AANAT: variants seen among roughly 807,000 people sequenced by gnomAD.
AANAT encodes the protein aralkylamine N-acetyltransferase.
AANAT carries 11 observed loss-of-function variants against 15.6 expected under a neutral mutation model. The ratio of observed to expected loss-of-function variants is 0.71; its 90% CI spans 0.44 to 1.17. The LOEUF (loss-of-function observed/expected upper bound fraction) is 1.17, where lower values mean the gene tolerates loss of function less well. AANAT is among the 50% of genes most tolerant of loss of function. The pLI is 0.00. For synonymous variants in AANAT, 139 were observed against 131.5 expected (o/e 1.06, Z -0.39); for missense variants, 286 against 296.3 (o/e 0.97, Z 0.26).
At chr17:76,463,759 T>C (rs1234198442), upstream of AANAT, among the ~76,000 whole-genome samples, 1 of 152,186 alleles carries the variant, frequency 6.6e-6, no homozygotes, top group African/African-American at 2.4e-5. Flanking sequence ...TTCACCTGTG[T>C]TCCTGTTAAT....
intron 1 of AANAT, among the ~76,000 whole-genome samples, chr17:76,458,155 G>A (rs1354828778): frequency 6.6e-6 from 1 of 152,252 alleles, no homozygotes; most frequent in South Asian, 2.1e-4. Flanking sequence ...AGCTGGGACA[G>A]AGCTGCCCTC....
At chr17:76,458,115 A>G (rs1018460932) in intron 1 of AANAT, among the ~76,000 whole-genome samples, 1 of 152,208 alleles carries the variant, frequency 6.6e-6, no homozygotes, top group East Asian at 1.9e-4. Flanking sequence ...TCAGTTTCCT[A>G]TCCTTTTTCC....
chr17:76,466,714 A>T (rs1465060225), upstream of AANAT, among the ~76,000 whole-genome samples: 1 of 152,112 alleles, frequency 6.6e-6, no homozygotes, highest in African/African-American at 2.4e-5. Context: ...CTTCTCTATA[A>T]CGTGGTTAAT....
chr17:76,457,914 A>G (rs897477713), intron 1 of AANAT, among the ~76,000 whole-genome samples: 1 of 152,164 alleles, frequency 6.6e-6, no homozygotes, highest in Admixed American at 6.5e-5. Flanking sequence ...CGGGCGCCTG[A>G]AATCCCAGCT....
chr17:76,455,999 C>T (rs913190003), intron 1 of AANAT, among the ~76,000 whole-genome samples: 4 of 150,288 alleles, frequency 2.7e-5, no homozygotes, highest in South Asian at 2.1e-4. Context: ...GGCGACAGAG[C>T]GAGACTGCGT....
At chr17:76,466,217 A>T (rs1382250512), upstream of AANAT, 5 of 1,535,080 alleles carry the variant, frequency 3.3e-6, no homozygotes, top group Non-Finnish European at 4.4e-6. Context: ...CTTTTGGGGG[A>T]CCCTGGAGGT....
At position 76,468,810 on chromosome 17, in the gene AANAT, G is replaced by A. The variant is rs767691769; in HGVS notation, c.64G>A (p.Glu22Lys). The stretch of plus-strand genomic sequence containing the variant: ...CCCACGTCTGCCACCTGGGATCCCC[G>A]AGTCCCCGAGCTGTCAGCGGCGCCA... ...EAPRLPPGIP[E>K]SPSCQRRHTL... Residue 22 changes from glutamate (E) to lysine (K), a missense_variant, in exon 2 of 4, where the codon GAG becomes AAG. Coordinates refer to ENST00000392492, the MANE Select transcript of AANAT (RefSeq NM_001088.3). 83 of 1,613,302 alleles carry A rather than the reference G, an allele frequency of 5.1e-5. No homozygotes were observed. The highest frequency in any genetic ancestry group is 6.0e-5 in the Non-Finnish European group (71 of 1,179,964).
intron 2 of AANAT, among the ~76,000 whole-genome samples, chr17:76,461,914 A>G (rs1001607925): frequency 7.2e-5 from 11 of 152,186 alleles, no homozygotes; most frequent in African/African-American, 2.7e-4. Flanking sequence ...AGAGCCTGAG[A>G]GCAGGTTGAA....
At chr17:76,455,105 C>T (rs534395867) in intron 1 of AANAT, among the ~76,000 whole-genome samples, 39 of 148,328 alleles carry the variant, frequency 2.6e-4, no homozygotes, top group African/African-American at 7.7e-4. Flanking sequence ...CCAGCCTGGG[C>T]GACAGAGTGA....
chr17:76,460,724 G>C (rs1304797570), intron 2 of AANAT, among the ~76,000 whole-genome samples: 2 of 152,152 alleles, frequency 1.3e-5, no homozygotes, highest in Non-Finnish European at 2.9e-5. Context: ...CTTTGTCCAG[G>C]AGGTGGCAAT....
At chr17:76,464,497 G>C (rs934174372), upstream of AANAT, among the ~76,000 whole-genome samples, 1 of 152,178 alleles carries the variant, frequency 6.6e-6, no homozygotes, top group Non-Finnish European at 1.5e-5. Context: ...AAGAGGCCAG[G>C]CTGGGTGGAG....
chr17:76,469,223 C>T lies in AANAT; in HGVS notation c.214C>T (p.His72Tyr). ...VCPLYLDEIR[H>Y]FLTLCPELSL... is the part of the protein sequence containing the mutation. ...CCCCCTGTACCTGGATGAGATCCGG[C>T]ACTTCCTGACCCTATGTCCAGAGCT... is the stretch of plus-strand genomic sequence containing the variant. Residue 72 changes from histidine to tyrosine, a missense_variant, in exon 3 of 4, where the codon CAC becomes TAC. Physicochemically the swap from His to Tyr is moderately conservative, Grantham distance 83. Coordinates refer to ENST00000392492, the MANE Select transcript of AANAT (RefSeq NM_001088.3). The surrounding 1 kb of genome is among the most constrained non-coding windows in gnomAD (Gnocchi z 5.2). The T allele has an allele frequency of 6.2e-7, 1 of 1,614,200 alleles. No homozygotes were observed. Among genetic ancestry groups the T allele is most frequent in the South Asian group, 1.1e-5 (1 of 91,092 alleles).
upstream of AANAT, among the ~76,000 whole-genome samples, chr17:76,462,856 G>A (rs9903183): frequency 0.21 from 32,653 of 152,136 alleles, 3,707 homozygotes; most frequent in East Asian, 0.41. Flanking sequence ...CTTCCTGCAC[G>A]CCGGGCCTCT....
intron 2 of AANAT, among the ~76,000 whole-genome samples, chr17:76,459,571 G>C (rs906277011): frequency 6.6e-6 from 1 of 152,128 alleles, no homozygotes; most frequent in Non-Finnish European, 1.5e-5. Flanking sequence ...TGCCCCACCA[G>C]GGGGGCAGAT....
At chr17:76,465,606 G>C (rs1351514014), upstream of AANAT, among the ~76,000 whole-genome samples, 4 of 151,980 alleles carry the variant, frequency 2.6e-5, no homozygotes, top group African/African-American at 9.7e-5. Flanking sequence ...CAAAGTGCTG[G>C]GATTACAGGT....
intron 1 of AANAT, among the ~76,000 whole-genome samples, chr17:76,457,091 G>A (rs576096549): frequency 1.3e-5 from 2 of 152,262 alleles, no homozygotes; most frequent in East Asian, 3.9e-4. Flanking sequence ...CGCCCATGCT[G>A]GAGTGCAGTA....
upstream of AANAT, among the ~76,000 whole-genome samples, chr17:76,463,074 G>A (rs1161672344): frequency 2.6e-5 from 4 of 152,280 alleles, no homozygotes; most frequent in Non-Finnish European, 2.9e-5. Flanking sequence ...CACTGGGCCC[G>A]GTGGGGATGC....
At chr17:76,464,858 C>T (rs536504160), upstream of AANAT, among the ~76,000 whole-genome samples, 110 of 151,844 alleles carry the variant, frequency 7.2e-4, no homozygotes, top group Middle Eastern at 3.4e-3. Context: ...TACAATGGCA[C>T]GATCTTGGCT....
rs2073496852 is a variant in AANAT at position 76,469,717 on chromosome 17, T to C, written c.371T>C (p.Leu124Pro). The C allele has an allele frequency of 6.5e-7, 1 of 1,540,650 alleles. No individual in the cohort carries two copies. Among genetic ancestry groups the C allele is most frequent in the Admixed American group, 1.9e-5 (1 of 51,836 alleles). ...GGCCACATAGCCCACCTGCATGTGC[T>C]GGCCGTGCACCGCGCCTTCCGGCAG... ...SGGHIAHLHV[L>P]AVHRAFRQQG... The change falls in exon 4 of 4, where the codon CTG becomes CCG. Residue 124 changes from leucine (L) to proline (P), a missense_variant. Transcript: ENST00000392492. This position sits in a 1 kb window ranked among gnomAD's most constrained non-coding sequence, Gnocchi z 5.2.
Sources: allele counts gnomAD v4.1 joint callset (sites outside exome capture counted in the v4.1 genomes callset), GRCh38; gene constraint gnomAD v4.1.1; non-coding constraint Gnocchi (gnomAD v3.1); transcripts MANE v1.5; gene names NCBI Gene and HGNC (gene_info 2026-07-23, HGNC 2026-07-21).